The following ABTB3 variants were observed in gnomAD, a reference collection of about 807,000 sequenced individuals.
The protein encoded by ABTB3 is ankyrin repeat and BTB domain containing 3.
the ABTB3 span, among the ~76,000 whole-genome samples, chr12:107,598,628 A>T: frequency 1.3e-5 from 2 of 152,222 alleles, no homozygotes; most frequent in African/African-American, 4.8e-5. Context: ...AAGAGCAAAA[A>T]CAGAGAAGCT....
chr12:107,619,855 G>A, the ABTB3 span: 12 of 808,336 alleles, frequency 1.5e-5, no homozygotes, highest in South Asian at 5.7e-5. Context: ...CCTTGGTCTC[G>A]TCATTTAGTA....
chr12:107,627,490 C>T, the ABTB3 span, among the ~76,000 whole-genome samples: 1 of 152,202 alleles, frequency 6.6e-6, no homozygotes, highest in Non-Finnish European at 1.5e-5. Context: ...CCCTGCAGAG[C>T]CAGGATCCTG....
chr12:107,384,298 T>A, the ABTB3 span, among the ~76,000 whole-genome samples: 1 of 152,176 alleles, frequency 6.6e-6, no homozygotes. Context: ...GGGTTCCAAC[T>A]CAAGCAGCCT....
chr12:107,459,496 A>C, the ABTB3 span, among the ~76,000 whole-genome samples: 1 of 152,222 alleles, frequency 6.6e-6, no homozygotes, highest in East Asian at 1.9e-4. Context: ...TAGATGGAAA[A>C]AAATGAAGCA....
At chr12:107,579,190 C>G in the ABTB3 span, among the ~76,000 whole-genome samples, 2 of 152,196 alleles carry the variant, frequency 1.3e-5, no homozygotes, top group Non-Finnish European at 2.9e-5. Context: ...GGCTTGAAGC[C>G]TTACAGACAG....
the ABTB3 span, among the ~76,000 whole-genome samples, chr12:107,483,466 C>T: frequency 6.6e-6 from 1 of 152,198 alleles, no homozygotes; most frequent in Non-Finnish European, 1.5e-5. Context: ...GACCCTCTGA[C>T]ATTGCAGACG....
At chr12:107,652,780 G>C in the ABTB3 span, among the ~76,000 whole-genome samples, 3 of 152,228 alleles carry the variant, frequency 2.0e-5, no homozygotes, top group Non-Finnish European at 4.4e-5. Flanking sequence ...CTGGGCCCAA[G>C]AGAAGTAAAA....
At chr12:107,546,582 C>T in the ABTB3 span, among the ~76,000 whole-genome samples, 2,269 of 152,324 alleles carry the variant, frequency 0.015, 25 homozygotes, top group Non-Finnish European at 0.021. Flanking sequence ...GATGTCTACA[C>T]GGTATCCTTG....
the ABTB3 span, among the ~76,000 whole-genome samples, chr12:107,387,972 C>CTTCT: frequency 4.0e-3 from 478 of 120,182 alleles, 2 homozygotes; most frequent in African/African-American, 0.015. Flanking sequence ...TCTTCTTCTT[C>CTTCT]TTTTTTTTTT....
At chr12:107,644,859 TG>T in the ABTB3 span, among the ~76,000 whole-genome samples, 1 of 152,072 alleles carries the variant, frequency 6.6e-6, no homozygotes, top group South Asian at 2.1e-4. Flanking sequence ...ATTACAGGCA[TG>T]AGATGCATAA....
chr12:107,396,167 TCCTCTG>T, the ABTB3 span, among the ~76,000 whole-genome samples: 1 of 152,226 alleles, frequency 6.6e-6, no homozygotes, highest in Non-Finnish European at 1.5e-5. Flanking sequence ...AGCCCAGCCT[TCCTCTG>T]CCTCTCCACA....
chr12:107,412,131 A>G, the ABTB3 span, among the ~76,000 whole-genome samples: 1 of 152,342 alleles, frequency 6.6e-6, no homozygotes, highest in South Asian at 2.1e-4. Context: ...CTCTGCTTTA[A>G]TGCTGCTATC....
the ABTB3 span, among the ~76,000 whole-genome samples, chr12:107,390,393 G>A: frequency 3.6e-3 from 553 of 152,336 alleles, 3 homozygotes; most frequent in Non-Finnish European, 6.7e-3. Context: ...ATTCTAACAG[G>A]TTAGCCTGAT....
At chr12:107,624,709 C>T in the ABTB3 span, among the ~76,000 whole-genome samples, 2 of 152,152 alleles carry the variant, frequency 1.3e-5, no homozygotes, top group African/African-American at 4.8e-5. Context: ...AATAGATGTA[C>T]CCCAGTTTGT....
chr12:107,628,431 C>A, the ABTB3 span, among the ~76,000 whole-genome samples: 1 of 152,226 alleles, frequency 6.6e-6, no homozygotes, highest in Non-Finnish European at 1.5e-5. Flanking sequence ...GCGTGAGCCA[C>A]CACACCTGGC....
At chr12:107,618,332 C>T in the ABTB3 span, 196 of 1,613,714 alleles carry the variant, frequency 1.2e-4, 5 homozygotes, top group South Asian at 1.8e-3. Context: ...TGTATCACAG[C>T]GCTGAGCATG....
the ABTB3 span, among the ~76,000 whole-genome samples, chr12:107,647,570 C>T: frequency 1.3e-5 from 2 of 152,172 alleles, no homozygotes; most frequent in African/African-American, 2.4e-5. Context: ...AACTTAAACA[C>T]ACATGCGAAA....
At chr12:107,569,263 C>G in the ABTB3 span, among the ~76,000 whole-genome samples, 2 of 152,162 alleles carry the variant, frequency 1.3e-5, no homozygotes, top group Non-Finnish European at 2.9e-5. Flanking sequence ...AAAAGAGATT[C>G]TGCTTGGTGT....
the ABTB3 span, among the ~76,000 whole-genome samples, chr12:107,555,998 A>G: frequency 6.6e-6 from 1 of 151,982 alleles, no homozygotes; most frequent in Non-Finnish European, 1.5e-5. Flanking sequence ...CATCATCACC[A>G]TCTCATTTTG....
Sources: gnomAD v4.1 joint callset for allele counts (sites outside exome capture counted in the v4.1 genomes callset) on GRCh38, gnomAD v4.1.1 for gene constraint, MANE v1.5 for transcripts, NCBI Gene and HGNC (gene_info 2026-07-23, HGNC 2026-07-21) for gene names.